Variants in PCDH9 observed in about 807,000 individuals in gnomAD.
PCDH9 encodes the protein protocadherin-9.
In PCDH9, 24 loss-of-function variants were observed where a neutral mutation model predicts 70.6. That is an observed-to-expected ratio of 0.34 (90% CI 0.25 to 0.48). The LOEUF is 0.48. Ranked by LOEUF, PCDH9 falls within the 20% of genes least tolerant of loss-of-function variation. The pLI, the probability that PCDH9 is intolerant of heterozygous loss-of-function variation, is 0.99. For synonymous variants in PCDH9, 562 were observed against 558.5 expected, an observed-to-expected ratio of 1.01 and a Z score of -0.09; for missense variants, 1,281 against 1,503.6, an observed-to-expected ratio of 0.85 and a Z score of 2.45.
At chr13:66,870,519 G>A (rs1187473532) in intron 3 of PCDH9, among the ~76,000 whole-genome samples, 26 of 151,938 alleles carry the variant, frequency 1.7e-4, no homozygotes, top group African/African-American at 3.9e-4. Context: ...AGAATCTACA[G>A]TGAACTCAAA....
At chr13:66,684,431 C>A (rs1458811012) in intron 3 of PCDH9, among the ~76,000 whole-genome samples, 1 of 152,138 alleles carries the variant, frequency 6.6e-6, no homozygotes, top group East Asian at 1.9e-4. Context: ...TTCCCATAAT[C>A]CCCATGTGTT....
chr13:67,026,371 T>G (rs1023609111), intron 2 of PCDH9, among the ~76,000 whole-genome samples: 1 of 152,182 alleles, frequency 6.6e-6, no homozygotes, highest in Non-Finnish European at 1.5e-5. Flanking sequence ...CAACCCTTCA[T>G]GCTAAGAACT....
intron 4 of PCDH9, among the ~76,000 whole-genome samples, chr13:66,406,539 T>G (rs1957283977): frequency 6.6e-6 from 1 of 152,232 alleles, no homozygotes; most frequent in African/African-American, 2.4e-5. Flanking sequence ...GTGATTATGA[T>G]CTGTTATTTA....
At chr13:66,677,764 C>G (rs1218529217) in intron 3 of PCDH9, among the ~76,000 whole-genome samples, 2 of 152,058 alleles carry the variant, frequency 1.3e-5, no homozygotes, top group African/African-American at 4.8e-5. Flanking sequence ...CATGATTCCT[C>G]GAAAGCCTAC....
chr13:67,160,863 T>C (rs1477899313), intron 2 of PCDH9, among the ~76,000 whole-genome samples: 3 of 152,210 alleles, frequency 2.0e-5, no homozygotes, highest in South Asian at 4.1e-4. Context: ...CTCACACCTT[T>C]TGAATTAATG....
chr13:66,466,679 T>C (rs972446877), intron 4 of PCDH9, among the ~76,000 whole-genome samples: 5 of 152,126 alleles, frequency 3.3e-5, no homozygotes, highest in Non-Finnish European at 7.4e-5. Flanking sequence ...TCTAAAAATA[T>C]ATCTGCTCAC....
intron 3 of PCDH9, among the ~76,000 whole-genome samples, chr13:66,778,277 T>TATAATA (rs201574363): frequency 9.2e-5 from 14 of 151,846 alleles, no homozygotes; most frequent in Admixed American, 8.5e-4. Flanking sequence ...AAACTTAAAG[T>TATAATA]ATAATAATAA....
At chr13:67,222,976 T>C (rs2089765838) in intron 2 of PCDH9, 1 of 152,142 alleles carries the variant, frequency 6.6e-6, no homozygotes, top group Admixed American at 6.6e-5. Context: ...CTCCACCGAC[T>C]TCTATCTCTT....
intron 4 of PCDH9, among the ~76,000 whole-genome samples, chr13:66,470,074 T>C (rs1328099017): frequency 1.3e-5 from 2 of 152,158 alleles, no homozygotes; most frequent in African/African-American, 4.8e-5. Flanking sequence ...GTGCTTTTGT[T>C]TCACAGGAAT....
intron 3 of PCDH9, among the ~76,000 whole-genome samples, chr13:66,748,063 C>T (rs2079399928): frequency 6.6e-6 from 1 of 152,104 alleles, no homozygotes; most frequent in South Asian, 2.1e-4. Flanking sequence ...TTCAGTAACA[C>T]TGAACATGCA....
At position 66,304,414 on chromosome 13, in the gene PCDH9, A is replaced by G. The variant is rs951840030; in HGVS notation, c.*241T>C. 7.1e-6 allele frequency: 3 copies of G among 421,334 alleles called. No individual in the cohort carries two copies. Among genetic ancestry groups the G allele is most frequent in the Non-Finnish European group, 1.3e-5 (3 of 236,028 alleles). 26.1% of individuals were successfully genotyped at this position (421,334 alleles called of 1,614,324 possible). A position where few individuals can be genotyped will look rare whatever the true frequency, so the allele number is the denominator to read the frequency against. ...AAAATAAAATGCAATAATAAAAAAA[A>G]TTTGCACAATGGAGAGATCTCTGGA... On this transcript the variant is annotated 3_prime_UTR_variant, in exon 5 of 5. Transcript: ENST00000377865.
At chr13:66,723,745 A>G (rs1377897412) in intron 3 of PCDH9, among the ~76,000 whole-genome samples, 1 of 152,174 alleles carries the variant, frequency 6.6e-6, no homozygotes, top group African/African-American at 2.4e-5. Context: ...GGAAGGGCAC[A>G]GTAATAAAGG....
At chr13:67,206,458 G>A (rs75615206) in intron 2 of PCDH9, 11,851 of 152,088 alleles carry the variant, frequency 0.078, 548 homozygotes, top group Middle Eastern at 0.14. Context: ...ACGCCCGGCT[G>A]ATACTGTTAA....
intron 3 of PCDH9, among the ~76,000 whole-genome samples, chr13:66,847,339 G>C (rs1409913186): frequency 6.6e-6 from 1 of 152,078 alleles, no homozygotes; most frequent in African/African-American, 2.4e-5. Flanking sequence ...CTATTTGTAT[G>C]TATTTAAACT....
intron 4 of PCDH9, among the ~76,000 whole-genome samples, chr13:66,479,366 G>A (rs771386578): frequency 7.9e-5 from 12 of 152,108 alleles, no homozygotes; most frequent in East Asian, 3.9e-4. Context: ...TTGGCTTCCC[G>A]GTCATATTAT....
chr13:67,120,550 A>T (rs2086857147), intron 2 of PCDH9, among the ~76,000 whole-genome samples: 1 of 151,906 alleles, frequency 6.6e-6, no homozygotes, highest in Non-Finnish European at 1.5e-5. Context: ...AAAGTACTAC[A>T]TTTTCTATAA....
chr13:67,017,103 C>G (rs2084578598), intron 2 of PCDH9, among the ~76,000 whole-genome samples: 1 of 152,154 alleles, frequency 6.6e-6, no homozygotes, highest in African/African-American at 2.4e-5. Context: ...ATACATCGAG[C>G]AAATGTGTAT....
At chr13:66,662,819 T>C (rs1017468200) in intron 3 of PCDH9, among the ~76,000 whole-genome samples, 2 of 152,190 alleles carry the variant, frequency 1.3e-5, no homozygotes, top group Admixed American at 1.3e-4. Context: ...AAACATAGTA[T>C]GTTATAAGAG....
Position 66,635,419 on chromosome 13 carries a change from G to C in PCDH9, c.3139-4008C>G, listed in dbSNP as rs529451900. 1.1e-4 allele frequency among the ~76,000 whole-genome samples: 17 copies of C among 152,176 alleles called. No individual in the cohort carries two copies. In the East Asian group the frequency reaches 3.3e-3, roughly 29 times the overall value. On this transcript the variant is annotated intron_variant, in intron 3 of 4. Coordinates refer to ENST00000377865, the MANE Select transcript of PCDH9 (RefSeq NM_203487.3). ...TGTCAGGACTGCCACTATGAATTCT[G>C]ATTAGGCAAAGTTTGTATCAGAAAT...
Sources: allele counts gnomAD v4.1 joint callset (sites outside exome capture counted in the v4.1 genomes callset), GRCh38; gene constraint gnomAD v4.1.1; transcripts MANE v1.5; gene names NCBI Gene and HGNC (gene_info 2026-07-23, HGNC 2026-07-21).